MTSS1: variants seen among roughly 807,000 people sequenced by gnomAD.
MTSS1 encodes MTSS I-BAR domain containing 1, also known as protein MTSS 1.
Under a neutral mutation model 79.0 loss-of-function variants are expected in MTSS1, and 18 were observed. The ratio of observed to expected loss-of-function variants is 0.23; its 90% CI spans 0.16 to 0.34. MTSS1 has a LOEUF of 0.34. Among genes scored for constraint, MTSS1 ranks in the 10% least tolerant of loss-of-function variants. The probability of loss-of-function intolerance (pLI) is 1.00; values close to 1 mark genes in which losing one functional copy is unlikely to be tolerated. For missense variants in MTSS1, 815 were observed against 986.2 expected, an observed-to-expected ratio of 0.83 and a Z score of 2.33; for synonymous variants, 341 against 368.6, an observed-to-expected ratio of 0.93 and a Z score of 0.86.
At position 124,639,115 on chromosome 8, in the gene MTSS1, T is replaced by A. The variant is rs894372920; in HGVS notation, c.209-47880A>T. Among the ~76,000 whole-genome samples the A allele has an allele frequency of 5.9e-5, 9 of 152,198 alleles. No individual in the cohort carries two copies. The South Asian group carries it at 1.9e-3, about 32-fold the overall frequency. Reference sequence around the variant, plus strand: ...ACTTTGGGAGGCCAAGGCAGGCGGATCACTAGAGGTCAGGAGTTCCAGACC... The same window carrying A: ...ACTTTGGGAGGCCAAGGCAGGCGGAACACTAGAGGTCAGGAGTTCCAGACC... On this transcript the variant is annotated intron_variant, in intron 3 of 13. Transcript: ENST00000518547.
At chr8:124,561,974 G>A (rs1825431910) in intron 10 of MTSS1, among the ~76,000 whole-genome samples, 3 of 152,196 alleles carry the variant, frequency 2.0e-5, no homozygotes, top group Non-Finnish European at 4.4e-5. Context: ...GAGCTGTGAG[G>A]AGAGGAACGC....
chr8:124,565,954 G>T, intron 8 of MTSS1, 195 bp from the exon 9 acceptor site: 1 of 414,562 alleles, frequency 2.4e-6, no homozygotes, highest in Non-Finnish European at 4.3e-6. Flanking sequence ...CTTTTACTGA[G>T]AAAGTAAAAC....
chr8:124,559,171 A>C (rs17298759), intron 10 of MTSS1, among the ~76,000 whole-genome samples: 11,854 of 152,228 alleles, frequency 0.078, 626 homozygotes, highest in Non-Finnish European at 0.11. Context: ...ATATCTGGTC[A>C]TGGCATTGGG....
At chr8:124,663,943 C>T (rs568524260) in intron 3 of MTSS1, among the ~76,000 whole-genome samples, 3 of 152,286 alleles carry the variant, frequency 2.0e-5, no homozygotes, top group South Asian at 4.1e-4. Context: ...CACCTCAGTT[C>T]GAGTCTAAAA....
intron 3 of MTSS1, among the ~76,000 whole-genome samples, chr8:124,684,748 T>A (rs767803622): frequency 6.6e-6 from 1 of 152,188 alleles, no homozygotes; most frequent in Non-Finnish European, 1.5e-5. Context: ...AAGAGGTATG[T>A]CTATGGAGAT....
intron 6 of MTSS1, among the ~76,000 whole-genome samples, chr8:124,570,150 A>G (rs558935674): frequency 5.3e-5 from 8 of 152,352 alleles, no homozygotes; most frequent in African/African-American, 1.9e-4. Context: ...AGATTTTAGT[A>G]AGGAAAAGTC....
At chr8:124,615,224 T>G (rs1381961409) in intron 3 of MTSS1, among the ~76,000 whole-genome samples, 1 of 152,014 alleles carries the variant, frequency 6.6e-6, no homozygotes, top group Non-Finnish European at 1.5e-5. Context: ...GGAAATGGCT[T>G]CAGGAAAGCC....
intron 3 of MTSS1, among the ~76,000 whole-genome samples, chr8:124,695,328 A>C (rs10956195): frequency 0.72 from 109,516 of 151,062 alleles, 39,732 homozygotes; most frequent in East Asian, 0.82. Context: ...ACTTCCATCA[A>C]GAGGGATAAA....
At chr8:124,670,371 G>GGGTGGCACCCCACACAGCCT (rs1563968708) in intron 3 of MTSS1, among the ~76,000 whole-genome samples, 4 of 137,502 alleles carry the variant, frequency 2.9e-5, no homozygotes, top group East Asian at 2.3e-4. Context: ...ACACTCAGGC[G>GGGTGGCACCCCACACAGCCT]GGCGGCACCC....
At chr8:124,640,584 C>T (rs1368552252) in intron 3 of MTSS1, among the ~76,000 whole-genome samples, 5 of 152,208 alleles carry the variant, frequency 3.3e-5, no homozygotes, top group African/African-American at 9.6e-5. Context: ...CGCTCTGTCA[C>T]CCAGGCTGGA....
chr8:124,651,422 T>G (rs1223744776), intron 3 of MTSS1, among the ~76,000 whole-genome samples: 1 of 151,120 alleles, frequency 6.6e-6, no homozygotes, highest in Non-Finnish European at 1.5e-5. Flanking sequence ...TCTACCTACC[T>G]ATGGCTACCA....
At chr8:124,567,199 G>T in intron 7 of MTSS1, 21 bp from the exon 8 acceptor site, 2 of 1,541,824 alleles carry the variant, frequency 1.3e-6, no homozygotes, top group Non-Finnish European at 1.8e-6. Context: ...AGTCATTCAT[G>T]AAATGTTATT....
At position 124,648,987 on chromosome 8, in the gene MTSS1, C is replaced by CA. The variant is rs760877240; in HGVS notation, c.208+50538dup. 1.1e-4 allele frequency among the ~76,000 whole-genome samples: 16 copies of CA among 152,376 alleles called. No homozygotes were observed. The East Asian group carries it at 1.5e-3, about 15-fold the overall frequency. On this transcript the variant is annotated intron_variant, in intron 3 of 13. Coordinates refer to ENST00000518547, the MANE Select transcript of MTSS1 (RefSeq NM_014751.6). Reference sequence around the variant, plus strand: ...GGATCCAGATTAATCTTCTCCAAAACAGAGAGTTTCCCTTTCTATCTGTTG... The same window carrying CA: ...GGATCCAGATTAATCTTCTCCAAAACAAGAGAGTTTCCCTTTCTATCTGTTG...
rs188096367 is a variant in MTSS1, at chr8:124,556,787, G to A, written c.1231-382C>T. ...TCCTTAACAACCCAGATGGCTTCCC[G>A]TTAGGGGAATGGCCACCAGCGAGCA... On this transcript the variant is annotated intron_variant, in intron 11 of 13. Coordinates refer to ENST00000518547, the MANE Select transcript of MTSS1 (RefSeq NM_014751.6). Among the ~76,000 whole-genome samples the A allele has an allele frequency of 7.2e-5, 11 of 152,334 alleles. No homozygotes were observed. The East Asian group carries it at 1.5e-3, about 21-fold the overall frequency.
chr8:124,689,733 T>G lies in MTSS1; in HGVS notation c.208+9793A>C, dbSNP rs1366361416. Reference sequence around the variant, plus strand: ...TGCACTCCAGCCTGGGCAACGAGAGTGAAACTCCATCTCAAAAAAAAAAAA... The same window carrying G: ...TGCACTCCAGCCTGGGCAACGAGAGGGAAACTCCATCTCAAAAAAAAAAAA... On this transcript the variant is annotated intron_variant, in intron 3 of 13. Coordinates refer to ENST00000518547, the MANE Select transcript of MTSS1 (RefSeq NM_014751.6). Among the ~76,000 whole-genome samples the G allele has an allele frequency of 4.3e-5, 5 of 117,636 alleles. No homozygotes were observed. The East Asian group carries it at 1.2e-3, about 28-fold the overall frequency. The allele number at this position is 117,636 out of a possible 152,430, so 77.2% of individuals were successfully genotyped here.
intron 3 of MTSS1, among the ~76,000 whole-genome samples, chr8:124,654,258 T>C (rs1306791074): frequency 2.6e-5 from 4 of 152,218 alleles, no homozygotes; most frequent in African/African-American, 9.7e-5. Flanking sequence ...AATGAATTAT[T>C]AACCTACAGT....
At chr8:124,625,566 C>T (rs997493001) in intron 3 of MTSS1, among the ~76,000 whole-genome samples, 7 of 152,216 alleles carry the variant, frequency 4.6e-5, no homozygotes, top group Non-Finnish European at 1.0e-4. Flanking sequence ...CGAAGTTCAG[C>T]TGGTATAGAC....
At chr8:124,577,697 C>A (rs149233643) in intron 6 of MTSS1, 220 of 501,490 alleles carry the variant, frequency 4.4e-4, no homozygotes, top group African/African-American at 3.9e-3. Context: ...CCTCATCAGC[C>A]TTCTAAGCCC....
chr8:124,598,891 A>AG (rs1563828392), intron 3 of MTSS1, among the ~76,000 whole-genome samples: 2 of 151,766 alleles, frequency 1.3e-5, no homozygotes, highest in Non-Finnish European at 2.9e-5. Context: ...GGTTAGGAAG[A>AG]GCTCCTTCAC....
Sources: gnomAD v4.1 joint callset for allele counts (sites outside exome capture counted in the v4.1 genomes callset) on GRCh38, gnomAD v4.1.1 for gene constraint, MANE v1.5 for transcripts, NCBI Gene and HGNC (gene_info 2026-07-23, HGNC 2026-07-21) for gene names.